Variants in CGB7 observed in about 807,000 individuals in gnomAD.
CGB7 encodes the protein chorionic gonadotropin subunit beta 7.
Under a neutral mutation model 7.3 loss-of-function variants are expected in CGB7, and 6 were observed. That is an observed-to-expected ratio of 0.82 (90% CI 0.45 to 1.62). The LOEUF is 1.62. Among genes scored for constraint, CGB7 ranks in the 40% most tolerant of loss-of-function variants. CGB7 has a pLI of 0.01. For missense variants in CGB7, 114 were observed against 236.2 expected, an observed-to-expected ratio of 0.48 and a Z score of 3.39; for synonymous variants, 47 against 100.8, an observed-to-expected ratio of 0.47 and a Z score of 3.20.
rs1375098305 is a variant in CGB7 at position 49,056,611 on chromosome 19, G to A, written c.-1220-16C>T. The stretch of plus-strand genomic sequence containing the variant: ...CGGCTCCGTCCTGTGGGAGCAGGGC[G>A]GGATGGTGAGGATACAGCTGGATCC... On this transcript the variant is annotated splice_polypyrimidine_tract_variant and intron_variant, in intron 2 of 4. Coordinates refer to ENST00000684222, the MANE Select transcript of CGB7 (RefSeq NM_001385261.1). The A allele has an allele frequency of 4.0e-6, 5 of 1,265,290 alleles. No individual in the cohort carries two copies. Among genetic ancestry groups the A allele is most frequent in the Non-Finnish European group, 4.1e-6 (4 of 975,008 alleles). The allele number at this position is 1,265,290 out of a possible 1,614,324, so 78.4% of individuals were successfully genotyped here.
In CGB7 at chr19:49,056,491, C is replaced by T. The variant is rs754458257; in HGVS notation, c.-1116G>A. The T allele has an allele frequency of 7.7e-7, 1 of 1,302,052 alleles. No individual in the cohort carries two copies. 80.7% of individuals were successfully genotyped at this position (1,302,052 alleles called of 1,614,324 possible). A position where few individuals can be genotyped will look rare whatever the true frequency, so the allele number is the denominator to read the frequency against. On this transcript the variant is annotated 5_prime_UTR_variant, in exon 3 of 5. Transcript: ENST00000684222. ...CGGCGCTCGAGGCGGCCTGGAAGAG[C>T]AGAGACAGGGCTGCCGCTGCGGGTC... is the stretch of plus-strand genomic sequence containing the variant.
intron 4 of CGB7, 95 bp downstream of exon 4, chr19:49,054,746 C>T (rs1200131903): frequency 1.5e-6 from 2 of 1,339,214 alleles, no homozygotes; most frequent in South Asian, 2.7e-5. Flanking sequence ...ATTCCGCAGC[C>T]CCTGACCAGA....
chr19:49,056,087 C>T lies in CGB7; in HGVS notation c.-712G>A, dbSNP rs2040057552. On this transcript the variant is annotated 5_prime_UTR_variant, in exon 3 of 5. Coordinates refer to ENST00000684222, the MANE Select transcript of CGB7 (RefSeq NM_001385261.1). ...GGAGGACATTGTCTGGACTTAGTCC[C>T]TTCCCCGCGATCCAGCCGCAGCTGA... 3.4e-6 allele frequency: 4 copies of T among 1,181,800 alleles called. No homozygotes were observed. The highest frequency in any genetic ancestry group is 3.2e-5 in the South Asian group (2 of 62,672). 73.2% of individuals were successfully genotyped at this position (1,181,800 alleles called of 1,614,324 possible).
intron 2 of CGB7, 62 bp downstream of exon 2, chr19:49,057,058 CG>C (rs1462951641): frequency 1.3e-6 from 2 of 1,498,222 alleles, no homozygotes; most frequent in African/African-American, 2.8e-5. Flanking sequence ...CCCAGGGGCT[CG>C]GCGTGCACCG....
At position 49,056,478 on chromosome 19, in the gene CGB7, C is replaced by A; in HGVS notation, c.-1103G>T. ...ATGGCCCGCCGTGCGGCGCTCGAGG[C>A]GGCCTGGAAGAGCAGAGACAGGGCT... is the stretch of plus-strand genomic sequence containing the variant. On this transcript the variant is annotated 5_prime_UTR_variant, in exon 3 of 5. Transcript: ENST00000684222. 2 of 1,300,998 alleles carry A rather than the reference C, an allele frequency of 1.5e-6. No homozygotes were observed. Among genetic ancestry groups the A allele is most frequent in the Non-Finnish European group, 2.0e-6 (2 of 996,348 alleles). The allele number at this position is 1,300,998 out of a possible 1,614,324, so 80.6% of individuals were successfully genotyped here.
rs1181933892 is a variant in CGB7, at chr19:49,056,528, G to A, written c.-1153C>T. 7 of 1,303,138 alleles carry A rather than the reference G, an allele frequency of 5.4e-6. No individual in the cohort carries two copies. The African/African-American group carries it at 1.1e-4, about 20-fold the overall frequency. The allele number at this position is 1,303,138 out of a possible 1,614,324, so 80.7% of individuals were successfully genotyped here. On this transcript the variant is annotated 5_prime_UTR_variant, in exon 3 of 5. Coordinates refer to ENST00000684222, the MANE Select transcript of CGB7 (RefSeq NM_001385261.1). ...TGCCGCTGCGGGTCGTGACTCCAGA[G>A]TTGGGGCGTCTCTTCTAAGCTCCAG... is the stretch of plus-strand genomic sequence containing the variant.
chr19:49,054,619 G>T lies in CGB7; in HGVS notation c.184-14C>A. 1 of 1,077,788 alleles carries T rather than the reference G, an allele frequency of 9.3e-7. No individual in the cohort carries two copies. Among genetic ancestry groups the T allele is most frequent in the Non-Finnish European group, 1.3e-6 (1 of 764,080 alleles). The allele number at this position is 1,077,788 out of a possible 1,614,324, so 66.8% of individuals were successfully genotyped here. A position where few individuals can be genotyped will look rare whatever the true frequency, so the allele number is the denominator to read the frequency against. On this transcript the variant is annotated splice_polypyrimidine_tract_variant and intron_variant, in intron 4 of 4. Coordinates refer to ENST00000684222, the MANE Select transcript of CGB7 (RefSeq NM_001385261.1). ...CAGCACGCGGGTCTGGAAGCCGTGTGAGTGGGAGAATGAGCATGTGCCTGG... is the reference window on the plus strand; with the variant it reads ...CAGCACGCGGGTCTGGAAGCCGTGTTAGTGGGAGAATGAGCATGTGCCTGG...
At position 49,057,670 on chromosome 19, in the gene CGB7, G is replaced by C. The variant is rs1381595565; in HGVS notation, c.-1557C>G. The C allele has an allele frequency of 9.7e-6, 12 of 1,231,032 alleles. No homozygotes were observed. The highest frequency in any genetic ancestry group is 1.6e-5 in the African/African-American group (1 of 63,750). The allele number at this position is 1,231,032 out of a possible 1,614,324, so 76.3% of individuals were successfully genotyped here. A position where few individuals can be genotyped will look rare whatever the true frequency, so the allele number is the denominator to read the frequency against. On this transcript the variant is annotated 5_prime_UTR_variant, in exon 1 of 5. Coordinates refer to ENST00000684222, the MANE Select transcript of CGB7 (RefSeq NM_001385261.1). ...TATTCTAGTCTCCTCCCCACCCACA[G>C]CCCGCCGTCTAGCTCCGCAGCAGCT... is the stretch of plus-strand genomic sequence containing the variant.
chr19:49,056,176 C>G lies in CGB7; in HGVS notation c.-801G>C, dbSNP rs1161416892. 7.9e-7 allele frequency: 1 copy of G among 1,261,620 alleles called. No individual in the cohort carries two copies. 78.2% of individuals were successfully genotyped at this position (1,261,620 alleles called of 1,614,324 possible). On this transcript the variant is annotated 5_prime_UTR_variant, in exon 3 of 5. It removes the in-frame stop codon of an upstream open reading frame in the 5' UTR. Transcript: ENST00000684222. ...ATAGACTTAATGAGTGCGAGCCCAC[C>G]TAGGTCCGACACCGCGTAGTGAGCG...
chr19:49,057,594 G>A lies in CGB7; in HGVS notation c.-1481C>T, dbSNP rs2040082553. 1.7e-6 allele frequency: 2 copies of A among 1,164,696 alleles called. No homozygotes were observed. Among genetic ancestry groups the A allele is most frequent in the African/African-American group, 3.2e-5 (2 of 61,954 alleles). 72.1% of individuals were successfully genotyped at this position (1,164,696 alleles called of 1,614,324 possible). ...CCACTGGAGCTGAGCTGCATCTTGG[G>A]CAACAACTCCAGGTTACCTCTCCTA... On this transcript the variant is annotated 5_prime_UTR_variant, in exon 1 of 5. Coordinates refer to ENST00000684222, the MANE Select transcript of CGB7 (RefSeq NM_001385261.1).
chr19:49,055,881 C>T lies in CGB7; in HGVS notation c.-506G>A, dbSNP rs1390783390. 2 of 1,084,826 alleles carry T rather than the reference C, an allele frequency of 1.8e-6. No individual in the cohort carries two copies. The highest frequency in any genetic ancestry group is 4.3e-4 in the Middle Eastern group (1 of 2,302). 67.2% of individuals were successfully genotyped at this position (1,084,826 alleles called of 1,614,324 possible). On this transcript the variant is annotated 5_prime_UTR_variant, in exon 3 of 5. Transcript: ENST00000684222. ...GTGCTGCCAGGGAAGCCACTTGACC[C>T]AGATGCCCCCCAACGAGGGATTCAG...
At position 49,057,522 on chromosome 19, in the gene CGB7, C is replaced by T. The variant is rs2040081701; in HGVS notation, c.-1409G>A. The T allele has an allele frequency of 1.6e-6, 2 of 1,223,396 alleles. No individual in the cohort carries two copies. The highest frequency in any genetic ancestry group is 4.0e-5 in the Admixed American group (1 of 25,106). 75.8% of individuals were successfully genotyped at this position (1,223,396 alleles called of 1,614,324 possible). ...CTCAAATGCAGGCCCCCAGCCACCA[C>T]AAAATCCCCCTGGTTCTGCCCCCGG... On this transcript the variant is annotated 5_prime_UTR_variant, in exon 1 of 5. The change creates a new upstream start codon in the 5' untranslated region. Transcript: ENST00000684222.
intron 1 of CGB7, 39 bp from the exon 2 acceptor site, chr19:49,057,287 G>T (rs1358350159): frequency 6.6e-7 from 1 of 1,515,404 alleles, no homozygotes; most frequent in African/African-American, 1.4e-5. Flanking sequence ...CCAAGACATA[G>T]ATTTCATACC....
Position 49,056,551 on chromosome 19 carries a change from C to G in CGB7, c.-1176G>C. ...GAGTTGGGGCGTCTCTTCTAAGCTC[C>G]AGTAGGTCAGGTAGTCCTTGCGGGG... On this transcript the variant is annotated 5_prime_UTR_variant, in exon 3 of 5. Transcript: ENST00000684222. 7.7e-7 allele frequency: 1 copy of G among 1,302,424 alleles called. No homozygotes were observed. Among genetic ancestry groups the G allele is most frequent in the Non-Finnish European group, 1.0e-6 (1 of 997,604 alleles). 80.7% of individuals were successfully genotyped at this position (1,302,424 alleles called of 1,614,324 possible).
In CGB7 at chr19:49,056,009, G is replaced by C. The variant is rs1011526569; in HGVS notation, c.-634C>G. ...TGCGTGTGCTTCAGGTGATTTAACT[G>C]ATTATTGAATAGGCCCGCAGGAGGT... On this transcript the variant is annotated 5_prime_UTR_variant, in exon 3 of 5. The change creates a new upstream start codon in the 5' untranslated region. Transcript: ENST00000684222. The C allele has an allele frequency of 1.3e-5, 15 of 1,138,832 alleles. No homozygotes were observed. Among genetic ancestry groups the C allele is most frequent in the African/African-American group, 6.5e-5 (4 of 61,122 alleles). The allele number at this position is 1,138,832 out of a possible 1,614,324, so 70.5% of individuals were successfully genotyped here. A position where few individuals can be genotyped will look rare whatever the true frequency, so the allele number is the denominator to read the frequency against.
Position 49,056,553 on chromosome 19 carries a change from G to A in CGB7, c.-1178C>T, listed in dbSNP as rs1284259511. On this transcript the variant is annotated 5_prime_UTR_variant, in exon 3 of 5. Coordinates refer to ENST00000684222, the MANE Select transcript of CGB7 (RefSeq NM_001385261.1). ...GTTGGGGCGTCTCTTCTAAGCTCCAGTAGGTCAGGTAGTCCTTGCGGGGGT... is the reference window on the plus strand; with the variant it reads ...GTTGGGGCGTCTCTTCTAAGCTCCAATAGGTCAGGTAGTCCTTGCGGGGGT... The A allele has an allele frequency of 7.7e-7, 1 of 1,300,566 alleles. No homozygotes were observed. Among genetic ancestry groups the A allele is most frequent in the Admixed American group, 2.3e-5 (1 of 44,050 alleles). The allele number at this position is 1,300,566 out of a possible 1,614,324, so 80.6% of individuals were successfully genotyped here. A position where few individuals can be genotyped will look rare whatever the true frequency, so the allele number is the denominator to read the frequency against.
rs757086022 is a variant in CGB7 at position 49,057,259 on chromosome 19, T to C, written c.-1348-11A>G. ...GCAGGCGATTAGAGCCTGAGCAAGA[T>C]TGGGGGAGGAGGCATACCCAAGACA... On this transcript the variant is annotated splice_polypyrimidine_tract_variant and intron_variant, in intron 1 of 4. Coordinates refer to ENST00000684222, the MANE Select transcript of CGB7 (RefSeq NM_001385261.1). The C allele has an allele frequency of 5.4e-5, 82 of 1,531,090 alleles. No homozygotes were observed. Among genetic ancestry groups the C allele is most frequent in the Middle Eastern group, 2.1e-4 (1 of 4,730 alleles). 94.8% of individuals were successfully genotyped at this position (1,531,090 alleles called of 1,614,324 possible). A position where few individuals can be genotyped will look rare whatever the true frequency, so the allele number is the denominator to read the frequency against.
chr19:49,055,202 C>T (rs565268011), intron 3 of CGB7, 159 bp downstream of exon 3: 63 of 985,244 alleles, frequency 6.4e-5, no homozygotes, highest in South Asian at 5.2e-4. Flanking sequence ...CCCAACATTT[C>T]AGATCCCCAC....
rs893835958 is a variant in CGB7 at position 49,056,149 on chromosome 19, G to C, written c.-774C>G. On this transcript the variant is annotated 5_prime_UTR_variant, in exon 3 of 5. Coordinates refer to ENST00000684222, the MANE Select transcript of CGB7 (RefSeq NM_001385261.1). Reference sequence around the variant, plus strand: ...TGGGCTAGTCCTGTCCCCACACTGCGGATAGACTTAATGAGTGCGAGCCCA... The same window carrying C: ...TGGGCTAGTCCTGTCCCCACACTGCCGATAGACTTAATGAGTGCGAGCCCA... 4.9e-6 allele frequency: 6 copies of C among 1,222,286 alleles called. No individual in the cohort carries two copies. The African/African-American group carries it at 6.3e-5, about 13-fold the overall frequency. The allele number at this position is 1,222,286 out of a possible 1,614,324, so 75.7% of individuals were successfully genotyped here.
Sources: allele counts gnomAD v4.1 joint callset, GRCh38; gene constraint gnomAD v4.1.1; transcripts MANE v1.5; gene names NCBI Gene and HGNC (gene_info 2026-07-23, HGNC 2026-07-21).